Variants in ITFG1 observed in about 807,000 individuals in gnomAD.
ITFG1 encodes integrin alpha FG-GAP repeat containing 1.
Under a neutral mutation model 81.8 loss-of-function variants are expected in ITFG1, and 34 were observed. The ratio of observed to expected loss-of-function variants is 0.42; its 90% CI spans 0.32 to 0.55. The LOEUF is 0.55. Among genes scored for constraint, ITFG1 ranks in the 20% least tolerant of loss-of-function variants. The pLI is 0.17. For synonymous variants in ITFG1, 285 were observed against 270.6 expected, an observed-to-expected ratio of 1.05 and a Z score of -0.52; for missense variants, 672 against 755.4, an observed-to-expected ratio of 0.89 and a Z score of 1.29.
intron 16 of ITFG1, among the ~76,000 whole-genome samples, chr16:47,161,263 T>G (rs1219195211): frequency 6.6e-6 from 1 of 152,218 alleles, no homozygotes; most frequent in Non-Finnish European, 1.5e-5. Flanking sequence ...CACCCTCAGA[T>G]GCAGAAAGTG....
At chr16:47,194,389 A>T (rs1965330618) in intron 14 of ITFG1, among the ~76,000 whole-genome samples, 1 of 152,226 alleles carries the variant, frequency 6.6e-6, no homozygotes, top group Non-Finnish European at 1.5e-5. Context: ...GCAAAGTATC[A>T]TGCACAGTTA....
At chr16:47,442,028 T>C (rs539038303) in intron 5 of ITFG1, among the ~76,000 whole-genome samples, 13 of 152,078 alleles carry the variant, frequency 8.5e-5, no homozygotes, top group Non-Finnish European at 1.8e-4. Flanking sequence ...CATTCTTATA[T>C]ACCAAAAACA....
chr16:47,427,311 C>T (rs1305613578), intron 6 of ITFG1, among the ~76,000 whole-genome samples: 1 of 152,120 alleles, frequency 6.6e-6, no homozygotes, highest in Non-Finnish European at 1.5e-5. Flanking sequence ...AAACATACAG[C>T]AACACCTAGG....
At chr16:47,354,123 G>C (rs1371940932) in intron 8 of ITFG1, among the ~76,000 whole-genome samples, 2 of 152,062 alleles carry the variant, frequency 1.3e-5, no homozygotes, top group African/African-American at 4.8e-5. Context: ...AACAAAGCTG[G>C]GGGGCACCAT....
At chr16:47,289,453 A>G (rs530963198) in intron 10 of ITFG1, among the ~76,000 whole-genome samples, 1 of 152,298 alleles carries the variant, frequency 6.6e-6, no homozygotes, top group East Asian at 1.9e-4. Flanking sequence ...GTTTTATAGA[A>G]TTCAGTACTG....
intron 7 of ITFG1, among the ~76,000 whole-genome samples, chr16:47,371,942 C>G (rs1463471158): frequency 1.3e-5 from 2 of 149,734 alleles, no homozygotes; most frequent in African/African-American, 4.9e-5. Context: ...GAGACAGAGT[C>G]TCGCTCTTTC....
chr16:47,362,679 T>C (rs897785940), intron 8 of ITFG1, among the ~76,000 whole-genome samples: 1 of 152,228 alleles, frequency 6.6e-6, no homozygotes, highest in Non-Finnish European at 1.5e-5. Context: ...ACCACTTCCA[T>C]GAGGCTTTTG....
At chr16:47,273,879 C>A (rs1038533817) in intron 10 of ITFG1, among the ~76,000 whole-genome samples, 1 of 152,080 alleles carries the variant, frequency 6.6e-6, no homozygotes, top group African/African-American at 2.4e-5. Flanking sequence ...TGGCTCACTG[C>A]AAACTCCTCC....
intron 14 of ITFG1, among the ~76,000 whole-genome samples, chr16:47,190,365 T>C (rs1376667184): frequency 2.0e-5 from 3 of 152,192 alleles, no homozygotes; most frequent in African/African-American, 7.2e-5. Context: ...TTAAACGAAA[T>C]GTTTATTAGA....
intron 8 of ITFG1, among the ~76,000 whole-genome samples, chr16:47,326,688 A>G (rs1186889317): frequency 6.6e-6 from 1 of 152,220 alleles, no homozygotes; most frequent in Non-Finnish European, 1.5e-5. Flanking sequence ...AAACAGACAA[A>G]CAGAGAGTCA....
At chr16:47,236,870 T>C (rs926378566) in intron 13 of ITFG1, among the ~76,000 whole-genome samples, 11 of 152,220 alleles carry the variant, frequency 7.2e-5, no homozygotes, top group Non-Finnish European at 1.5e-4. Context: ...CTGGCCTGTG[T>C]TGGCTGCTAA....
chr16:47,371,766 G>A (rs1968257060), intron 7 of ITFG1, among the ~76,000 whole-genome samples: 2 of 152,228 alleles, frequency 1.3e-5, no homozygotes, highest in South Asian at 4.1e-4. Context: ...ATGAACTAGT[G>A]AGAAGAGGTC....
chr16:47,257,786 C>T (rs1245465646), intron 12 of ITFG1, among the ~76,000 whole-genome samples: 6 of 152,176 alleles, frequency 3.9e-5, no homozygotes, highest in African/African-American at 1.4e-4. Context: ...AACCCAGTAG[C>T]AACGAGCACA....
chr16:47,324,011 C>T (rs2151569872), intron 8 of ITFG1, among the ~76,000 whole-genome samples: 2 of 151,930 alleles, frequency 1.3e-5, no homozygotes, highest in Middle Eastern at 6.8e-3. Context: ...CTTTTCTTAC[C>T]AAAAATAAAT....
intron 6 of ITFG1, among the ~76,000 whole-genome samples, chr16:47,413,325 C>G (rs906270476): frequency 6.6e-6 from 1 of 152,144 alleles, no homozygotes; most frequent in Admixed American, 6.5e-5. Context: ...GAATTCATTC[C>G]CACTATGCCA....
At chr16:47,212,454 T>C (rs115972255) in intron 14 of ITFG1, among the ~76,000 whole-genome samples, 1 of 152,262 alleles carries the variant, frequency 6.6e-6, no homozygotes, top group African/African-American at 2.4e-5. Flanking sequence ...TGAACTCAAG[T>C]GATCCTCTCG....
At chr16:47,427,967 C>G (rs1213236498) in intron 6 of ITFG1, among the ~76,000 whole-genome samples, 1 of 152,090 alleles carries the variant, frequency 6.6e-6, no homozygotes, top group Non-Finnish European at 1.5e-5. Context: ...AACTCTGTCT[C>G]TACAAAAAAT....
At chr16:47,168,426 T>C (rs960797697) in intron 14 of ITFG1, among the ~76,000 whole-genome samples, 2 of 152,202 alleles carry the variant, frequency 1.3e-5, no homozygotes, top group Admixed American at 6.5e-5. Flanking sequence ...CAGGCTGGAG[T>C]GCAGCGGCAC....
At chr16:47,384,913 T>C (rs1156938997) in intron 6 of ITFG1, among the ~76,000 whole-genome samples, 5 of 152,166 alleles carry the variant, frequency 3.3e-5, no homozygotes, top group Non-Finnish European at 7.4e-5. Flanking sequence ...TTACTGTCTC[T>C]ACTACTTCTC....
Sources: allele counts gnomAD v4.1 joint callset (sites outside exome capture counted in the v4.1 genomes callset), GRCh38; gene constraint gnomAD v4.1.1; transcripts MANE v1.5; gene names NCBI Gene and HGNC (gene_info 2026-07-23, HGNC 2026-07-21).